WNK4: variants seen among roughly 807,000 people sequenced by gnomAD.
WNK4 encodes serine/threonine-protein kinase WNK4.
In WNK4, 94 loss-of-function variants were observed where a neutral mutation model predicts 116.2. The ratio of observed to expected loss-of-function variants is 0.81; its 90% confidence interval spans 0.68 to 0.96. The LOEUF (loss-of-function observed/expected upper bound fraction) is 0.96. WNK4 is among the 40% of genes least tolerant of loss of function. WNK4 has a pLI of 0.00. For missense variants in WNK4, 1,542 were observed against 1,650.6 expected (o/e 0.93, Z 1.14); for synonymous variants, 655 against 672.7 (o/e 0.97, Z 0.41).
chr17:42,781,166 A>G lies in WNK4; in HGVS notation c.468A>G (p.Glu156=), dbSNP rs2054479189. ...VALERRREQE[E]KEDMETQAVA... ...TAGAGCGGCGGCGGGAGCAGGAAGA[A>G]AAGGAGGACATGGAGACCCAGGCTG... The change falls in exon 1 of 19, where the codon GAA becomes GAG. Residue 156 remains glutamate, a synonymous_variant. Transcript: ENST00000246914. 1 of 1,614,162 alleles carries G rather than the reference A, an allele frequency of 6.2e-7. No individual in the cohort carries two copies. The highest frequency in any genetic ancestry group is 8.5e-7 in the Non-Finnish European group (1 of 1,180,028).
chr17:42,794,981 C>A lies in WNK4; in HGVS notation c.2560C>A (p.Pro854Thr), dbSNP rs563294566. 11 of 1,596,344 alleles carry A rather than the reference C, an allele frequency of 6.9e-6. No homozygotes were observed. Among genetic ancestry groups the A allele is most frequent in the Admixed American group, 1.7e-5 (1 of 59,072 alleles). The change falls in exon 14 of 19, where the codon CCC (proline) becomes ACC (threonine). Residue 854 changes from proline to threonine, a missense_variant. By Grantham distance (38) the Pro-to-Thr change is conservative. Coordinates refer to ENST00000246914, the MANE Select transcript of WNK4 (RefSeq NM_032387.5). The stretch of plus-strand genomic sequence containing the variant: ...CATTTCTTCCCAGGTCTCCTCAAAT[C>A]CCTCTCCACACCCCACCAGCTCTCC... ...SPISSQVSSN[P>T]SPHPTSSPLP...
In WNK4 at chr17:42,785,117, C is replaced by A; in HGVS notation, c.1191C>A (p.Phe397Leu). Residue 397 changes from phenylalanine (F) to leucine (L), a missense_variant, in exon 5 of 19, where the codon TTC becomes TTA. Coordinates refer to ENST00000246914, the MANE Select transcript of WNK4 (RefSeq NM_032387.5). ...KVTSGRKPNS[F>L]HKVKIPEVKE... is the part of the protein sequence containing the mutation. ...CCCAGGGCAGAAAGCCGAACAGCTT[C>A]CACAAGGTGAAGATACCCGAGGTGA... 1.2e-6 allele frequency: 2 copies of A among 1,613,696 alleles called. No individual in the cohort carries two copies. The highest frequency in any genetic ancestry group is 1.7e-6 in the Non-Finnish European group (2 of 1,179,902).
rs1326528579 is a variant in WNK4, at chr17:42,783,955, G to T, written c.810G>T (p.Arg270=). The T allele has an allele frequency of 1.9e-6, 3 of 1,613,604 alleles. No homozygotes were observed. Among genetic ancestry groups the T allele is most frequent in the East Asian group, 4.5e-5 (2 of 44,890 alleles). Residue 270 remains arginine (R), a synonymous_variant, in exon 3 of 19, where the codon CGG becomes CGT. Transcript: ENST00000246914. Reference sequence around the variant, plus strand: ...CCCCCAGGTACCTGAGGCGGTTCCGGGAGATGAAGCCGCGGGTCCTTCAGC... The same window carrying T: ...CCCCCAGGTACCTGAGGCGGTTCCGTGAGATGAAGCCGCGGGTCCTTCAGC... ...GTLKTYLRRF[R]EMKPRVLQRW... is the part of the protein sequence containing the mutation.
Position 42,796,835 on chromosome 17 carries a change from G to A in WNK4, c.*147G>A, listed in dbSNP as rs1037246267. ...AGAAGGCCAGGGGGGCATGGAGAGT[G>A]CAGCTCCATTATAGTGAAGAGCCAA... is the stretch of plus-strand genomic sequence containing the variant. On this transcript the variant is annotated 3_prime_UTR_variant, in exon 19 of 19. Transcript: ENST00000246914. 92 of 1,522,216 alleles carry A rather than the reference G, an allele frequency of 6.0e-5. 1 individual carries two copies. The highest frequency in any genetic ancestry group is 5.8e-4 in the Middle Eastern group (3 of 5,194). The allele number at this position is 1,522,216 out of a possible 1,614,324, so 94.3% of individuals were successfully genotyped here. A position where few individuals can be genotyped will look rare whatever the true frequency, so the allele number is the denominator to read the frequency against.
chr17:42,793,716 C>T lies in WNK4; in HGVS notation c.2282C>T (p.Thr761Ile), dbSNP rs1243679510. Reference sequence around the variant, plus strand: ...GGCCCCATGGAGGCTGCTGAAGACACCCTAAGCCCCCAGGTCAGACCCCTT... The same window carrying T: ...GGCCCCATGGAGGCTGCTGAAGACATCCTAAGCCCCCAGGTCAGACCCCTT... ...DTGPMEAAED[T>I]LSPQEEPAPL... The change falls in exon 12 of 19, where the codon ACC (threonine) becomes ATC (isoleucine). Residue 761 changes from threonine (T) to isoleucine (I), a missense_variant. Coordinates refer to ENST00000246914, the MANE Select transcript of WNK4 (RefSeq NM_032387.5). 2 of 1,614,080 alleles carry T rather than the reference C, an allele frequency of 1.2e-6. No individual in the cohort carries two copies. Among genetic ancestry groups the T allele is most frequent in the East Asian group, 2.2e-5 (1 of 44,880 alleles).
At chr17:42,786,130 A>C (rs2054547391) in intron 6 of WNK4, among the ~76,000 whole-genome samples, 1 of 152,178 alleles carries the variant, frequency 6.6e-6, no homozygotes, top group Non-Finnish European at 1.5e-5. Flanking sequence ...GTTTTATCTC[A>C]ACTTGTTGAT....
chr17:42,783,775 A>G, intron 2 of WNK4, 162 bp from the exon 3 acceptor site: 3 of 700,426 alleles, frequency 4.3e-6, no homozygotes, highest in Non-Finnish European at 7.5e-6. Context: ...ATGCCCCCTG[A>G]CTCAGTTTCT....
Position 42,788,770 on chromosome 17 carries a change from C to T in WNK4, c.2130C>T (p.Asp710=). Residue 710 remains aspartate, a synonymous_variant, in exon 11 of 19, where the codon GAC becomes GAT. Coordinates refer to ENST00000246914, the MANE Select transcript of WNK4 (RefSeq NM_032387.5). ...MVTFRFDLDG[D]SPEEIAAAMV... ...CCTTCCGATTTGATCTGGATGGGGA[C>T]AGCCCGGAAGAGATTGCAGCTGCCA... 6.2e-7 allele frequency: 1 copy of T among 1,614,108 alleles called. No individual in the cohort carries two copies. The highest frequency in any genetic ancestry group is 8.5e-7 in the Non-Finnish European group (1 of 1,179,990).
intron 11 of WNK4, among the ~76,000 whole-genome samples, chr17:42,792,804 T>G (rs1398819266): frequency 6.6e-6 from 1 of 152,222 alleles, no homozygotes; most frequent in Non-Finnish European, 1.5e-5. Context: ...TGCCTTATTC[T>G]GACTTAACCG....
intron 2 of WNK4, chr17:42,783,628 A>G: frequency 2.2e-6 from 1 of 463,472 alleles, no homozygotes; most frequent in Non-Finnish European, 3.9e-6. Flanking sequence ...TGCAACACAA[A>G]AGTATTTCCT....
In WNK4 at chr17:42,785,451, G is replaced by C; in HGVS notation, c.1445G>C (p.Arg482Pro). 6 of 1,555,040 alleles carry C rather than the reference G, an allele frequency of 3.9e-6. No individual in the cohort carries two copies. The highest frequency in any genetic ancestry group is 5.2e-6 in the Non-Finnish European group (6 of 1,148,794). Reference sequence around the variant, plus strand: ...ATCGAGTTCCTGTTCCAGCTGGGCCGGGACGCGGCCGAGGAGGTGGCACAG... The same window carrying C: ...ATCGAGTTCCTGTTCCAGCTGGGCCCGGACGCGGCCGAGGAGGTGGCACAG... ...QAIEFLFQLG[R>P]DAAEEVAQEM... The change falls in exon 6 of 19, where the codon CGG becomes CCG. Residue 482 changes from arginine (R) to proline (P), a missense_variant. Arg to Pro is a moderately radical substitution (Grantham distance 103). This residue lies in a region of WNK4 where 808 missense variants were observed against 873.6 expected (regional missense o/e 0.92). Transcript: ENST00000246914.
chr17:42,793,998 G>A (rs1204469854), intron 12 of WNK4: 5 of 407,390 alleles, frequency 1.2e-5, no homozygotes, highest in Admixed American at 3.8e-5. Flanking sequence ...GACTACAGGC[G>A]CTCGCCACCA....
rs373291033 is a variant in WNK4, at chr17:42,788,094, C to T, written c.1864-36C>T. ...CATCTCCCTAGATCTCAACAGTTATCTTCCCCTGACCTCATGAACCCTTAT... is the reference window on the plus strand; with the variant it reads ...CATCTCCCTAGATCTCAACAGTTATTTTCCCCTGACCTCATGAACCCTTAT... On this transcript the variant is annotated intron_variant, in intron 8 of 18. Transcript: ENST00000246914. The T allele has an allele frequency of 1.1e-5, 17 of 1,612,574 alleles. No homozygotes were observed. The African/African-American group carries it at 1.7e-4, about 16-fold the overall frequency.
chr17:42,788,349 G>A lies in WNK4; in HGVS notation c.1982G>A (p.Arg661Lys). ...GTGGGAGAAGGGATGGGACAAATGA[G>A]GAGACCCCCAGGGAGGAATCTCCGG... ...SDVGEGMGQM[R>K]RPPGRNLRRR... The change falls in exon 10 of 19, where the codon AGG (arginine) becomes AAG (lysine). Residue 661 changes from arginine to lysine, a missense_variant. Arg to Lys is a conservative substitution (Grantham distance 26). Transcript: ENST00000246914. The A allele has an allele frequency of 6.2e-7, 1 of 1,613,790 alleles. No individual in the cohort carries two copies. The highest frequency in any genetic ancestry group is 8.5e-7 in the Non-Finnish European group (1 of 1,180,020).
Position 42,784,931 on chromosome 17 carries a change from G to A in WNK4, c.1171-166G>A, listed in dbSNP as rs61754354. ...AAGATCACACTGTAAATACTTGGGG[G>A]GGGGGCGGGGATTAGGATTTGAAAT... On this transcript the variant is annotated intron_variant, in intron 4 of 18. Coordinates refer to ENST00000246914, the MANE Select transcript of WNK4 (RefSeq NM_032387.5). This position sits in a 1 kb window ranked among gnomAD's most constrained non-coding sequence, Gnocchi z 4.4. 5.4e-5 allele frequency among the ~76,000 whole-genome samples: 8 copies of A among 148,098 alleles called. No homozygotes were observed. The highest frequency in any genetic ancestry group is 2.1e-4 in the African/African-American group (8 of 38,250).
Position 42,782,703 on chromosome 17 carries a change from C to T in WNK4, c.619-55C>T. On this transcript the variant is annotated intron_variant, in intron 1 of 18. Transcript: ENST00000246914. This position sits in a 1 kb window ranked among gnomAD's most constrained non-coding sequence, Gnocchi z 4.2. ...CCCCAACCCCACTCCAGGTGTCCCT[C>T]TTCCTTTCTGTGGGTGTCCTGGGCC... 1 of 1,607,808 alleles carries T rather than the reference C, an allele frequency of 6.2e-7. No individual in the cohort carries two copies. The highest frequency in any genetic ancestry group is 8.5e-7 in the Non-Finnish European group (1 of 1,176,980).
At position 42,781,140 on chromosome 17, in the gene WNK4, C is replaced by G. The variant is rs985741150; in HGVS notation, c.442C>G (p.Leu148Val). 2 of 1,614,036 alleles carry G rather than the reference C, an allele frequency of 1.2e-6. No homozygotes were observed. Among genetic ancestry groups the G allele is most frequent in the Admixed American group, 1.7e-5 (1 of 60,014 alleles). ...GCTAAGGGTCCCTGAAGCTGTGGCC[C>G]TAGAGCGGCGGCGGGAGCAGGAAGA... ...EPLRVPEAVALERRREQEEKE... is the reference protein window; with the variant it reads ...EPLRVPEAVAVERRREQEEKE... Residue 148 changes from leucine (L) to valine (V), a missense_variant, in exon 1 of 19, where the codon CTA (leucine) becomes GTA (valine). Physicochemically the swap from Leu to Val is conservative, Grantham distance 32. This residue lies in a region of WNK4 where 243 missense variants were observed against 217.8 expected (regional missense o/e 1.12). Coordinates refer to ENST00000246914, the MANE Select transcript of WNK4 (RefSeq NM_032387.5).
At position 42,782,933 on chromosome 17, in the gene WNK4, G is replaced by C; in HGVS notation, c.791+3G>C. On this transcript the variant is annotated splice_donor_region_variant and intron_variant, in intron 2 of 18. Coordinates refer to ENST00000246914, the MANE Select transcript of WNK4 (RefSeq NM_032387.5). This position sits in a 1 kb window ranked among gnomAD's most constrained non-coding sequence, Gnocchi z 4.2. ...ATGACCTCGGGCACGCTCAAGACGT[G>C]AGCTCTGCGCATGAGTGGGTGGGGA... 1 of 1,613,868 alleles carries C rather than the reference G, an allele frequency of 6.2e-7. No individual in the cohort carries two copies. The highest frequency in any genetic ancestry group is 8.5e-7 in the Non-Finnish European group (1 of 1,179,916).
rs387907557 is a variant in WNK4 at position 42,788,158 on chromosome 17, G to A, written c.1892G>A (p.Gly631Asp). ...SAFALSIPRS[G>D]PGSDFSPGDS... ...TTTGCCCTATCCATTCCACGTTCTG[G>A]CCCTGGAAGTGACTTTTCCCCCGGG... The change falls in exon 9 of 19, where the codon GGC (glycine) becomes GAC (aspartate). Residue 631 changes from glycine to aspartate, a missense_variant. Transcript: ENST00000246914. 6.2e-7 allele frequency: 1 copy of A among 1,614,074 alleles called. No individual in the cohort carries two copies. The highest frequency in any genetic ancestry group is 2.2e-5 in the East Asian group (1 of 44,872).
Sources: gnomAD v4.1 joint callset for allele counts (sites outside exome capture counted in the v4.1 genomes callset) on GRCh38, gnomAD v4.1.1 for gene constraint, gnomAD v4.1.1 regional missense constraint, Gnocchi (gnomAD v3.1) non-coding constraint, MANE v1.5 for transcripts, NCBI Gene and HGNC (gene_info 2026-07-23, HGNC 2026-07-21) for gene names.